GRID2: variants seen among roughly 807,000 people sequenced by gnomAD.
GRID2 encodes glutamate receptor ionotropic, delta-2.
Under a neutral mutation model 114.8 loss-of-function variants are expected in GRID2, and 33 were observed. The ratio of observed to expected loss-of-function variants is 0.29; its 90% CI spans 0.22 to 0.38. The LOEUF (loss-of-function observed/expected upper bound fraction) is 0.38, where lower values mean the gene tolerates loss of function less well. GRID2 is among the 10% of genes least tolerant of loss of function. The pLI is 1.00. For missense variants in GRID2, 1,184 were observed against 1,257.7 expected, an observed-to-expected ratio of 0.94 and a Z score of 0.89; for synonymous variants, 505 against 449.9, an observed-to-expected ratio of 1.12 and a Z score of -1.55.
In GRID2 at chr4:93,429,937, A is replaced by G. The variant is rs541279622; in HGVS notation, c.1545+6969A>G. ...TAATATTGGAGTATAATAAGATACT[A>G]TTTAGTAATTATAATGCCAATAATG... On this transcript the variant is annotated intron_variant, in intron 10 of 15. Transcript: ENST00000282020. 4.9e-4 allele frequency among the ~76,000 whole-genome samples: 75 copies of G among 152,280 alleles called. 1 individual carries two copies. The highest frequency in any genetic ancestry group is 1.8e-3 in the African/African-American group (73 of 41,554).
intron 1 of GRID2, among the ~76,000 whole-genome samples, chr4:92,588,993 C>T (rs1728587182): frequency 6.7e-6 from 1 of 150,348 alleles, no homozygotes. Flanking sequence ...GTAATCCCAG[C>T]TACTCGGGAG....
At chr4:93,180,044 G>C (rs1182766439) in intron 4 of GRID2, among the ~76,000 whole-genome samples, 2 of 152,162 alleles carry the variant, frequency 1.3e-5, no homozygotes, top group African/African-American at 4.8e-5. Context: ...GAAGAAAAAA[G>C]GCATAAGCAG....
intron 1 of GRID2, among the ~76,000 whole-genome samples, chr4:92,585,160 G>A (rs1306662765): frequency 1.3e-5 from 2 of 151,878 alleles, no homozygotes; most frequent in African/African-American, 4.8e-5. Flanking sequence ...TGGATGAATG[G>A]CTGGATGCAT....
At position 92,390,444 on chromosome 4, in the gene GRID2, C is replaced by G. The variant is rs186521812; in HGVS notation, c.88+85700C>G. Among the ~76,000 whole-genome samples the G allele has an allele frequency of 2.6e-5, 4 of 152,186 alleles. No homozygotes were observed. In the East Asian group the frequency reaches 7.7e-4, roughly 29 times the overall value. On this transcript the variant is annotated intron_variant, in intron 1 of 15. Coordinates refer to ENST00000282020, the MANE Select transcript of GRID2 (RefSeq NM_001510.4). ...AGAAGAGTGAAAAGGGTGGCTCTCCCTTGGTCCAACCACATCTAAAGGCTG... is the reference window on the plus strand; with the variant it reads ...AGAAGAGTGAAAAGGGTGGCTCTCCGTTGGTCCAACCACATCTAAAGGCTG...
At chr4:93,313,596 A>G (rs1378470436) in intron 8 of GRID2, among the ~76,000 whole-genome samples, 2 of 152,202 alleles carry the variant, frequency 1.3e-5, no homozygotes. Context: ...CATTACAATT[A>G]TATTCAAACA....
chr4:92,635,032 A>G (rs1008473556), intron 2 of GRID2, among the ~76,000 whole-genome samples: 7 of 152,092 alleles, frequency 4.6e-5, no homozygotes, highest in Non-Finnish European at 5.9e-5. Flanking sequence ...GCTGCCAGGA[A>G]TGCCAAGTGC....
At chr4:92,538,267 C>T (rs185605694) in intron 1 of GRID2, among the ~76,000 whole-genome samples, 2 of 152,278 alleles carry the variant, frequency 1.3e-5, no homozygotes, top group Admixed American at 6.5e-5. Flanking sequence ...CAATTGTTCT[C>T]ATTCTTCTAA....
chr4:92,556,813 A>T (rs1038724740), intron 1 of GRID2, among the ~76,000 whole-genome samples: 1 of 152,274 alleles, frequency 6.6e-6, no homozygotes, highest in East Asian at 1.9e-4. Flanking sequence ...AGCAAGCCCC[A>T]GAAGCACATT....
chr4:93,024,566 AT>A (rs1723705034), intron 2 of GRID2, among the ~76,000 whole-genome samples: 1 of 151,784 alleles, frequency 6.6e-6, no homozygotes, highest in Admixed American at 6.6e-5. Flanking sequence ...GGTTTTAAAC[AT>A]TGCAAAACCT....
chr4:92,740,625 C>A (rs1319505148), intron 2 of GRID2, among the ~76,000 whole-genome samples: 4 of 151,914 alleles, frequency 2.6e-5, no homozygotes, highest in African/African-American at 9.7e-5. Context: ...TCTTTATTTT[C>A]TACTAAATTT....
chr4:92,448,527 A>G (rs1330878049), intron 1 of GRID2, among the ~76,000 whole-genome samples: 2 of 152,172 alleles, frequency 1.3e-5, no homozygotes, highest in Non-Finnish European at 2.9e-5. Flanking sequence ...TTATATACAA[A>G]TTAAGTAACT....
intron 2 of GRID2, among the ~76,000 whole-genome samples, chr4:92,858,967 A>T (rs886184305): frequency 1.3e-5 from 2 of 152,254 alleles, no homozygotes; most frequent in South Asian, 4.1e-4. Context: ...AAGGATTTCA[A>T]ATATTGCATA....
At chr4:92,938,012 G>C (rs1646967807) in intron 2 of GRID2, among the ~76,000 whole-genome samples, 1 of 146,662 alleles carries the variant, frequency 6.8e-6, no homozygotes, top group Non-Finnish European at 1.5e-5. Context: ...TGTTGAGGAA[G>C]CTTCTTTTAA....
intron 10 of GRID2, among the ~76,000 whole-genome samples, chr4:93,437,439 G>A (rs1346327372): frequency 6.6e-6 from 1 of 151,860 alleles, no homozygotes; most frequent in Non-Finnish European, 1.5e-5. Context: ...ATGTCAGTGA[G>A]AAAAACAATA....
intron 1 of GRID2, among the ~76,000 whole-genome samples, chr4:92,529,099 G>A (rs932169241): frequency 1.1e-4 from 17 of 152,030 alleles, no homozygotes; most frequent in South Asian, 2.1e-4. Context: ...AACTTCGGTC[G>A]GGGATGGGAG....
At chr4:93,173,272 C>T (rs1044005059) in intron 4 of GRID2, among the ~76,000 whole-genome samples, 3 of 151,984 alleles carry the variant, frequency 2.0e-5, no homozygotes, top group Non-Finnish European at 4.4e-5. Flanking sequence ...AAAAAACAGT[C>T]TTTTTTCCCA....
At chr4:93,757,608 T>G (rs1432360279) in intron 14 of GRID2, among the ~76,000 whole-genome samples, 1 of 152,234 alleles carries the variant, frequency 6.6e-6, no homozygotes, top group Non-Finnish European at 1.5e-5. Flanking sequence ...AACTATCCAG[T>G]ACTGGAATTG....
chr4:93,266,654 TCCACCCACCTCAGCCTC>T (rs1438434380), intron 8 of GRID2, among the ~76,000 whole-genome samples: 15 of 152,292 alleles, frequency 9.8e-5, no homozygotes, highest in Non-Finnish European at 2.9e-5. Context: ...CCTCAGGTGA[TCCACCCACCTCAGCCTC>T]CCAAAGTGCT....
intron 4 of GRID2, among the ~76,000 whole-genome samples, chr4:93,122,964 T>C (rs373968592): frequency 2.7e-5 from 4 of 150,640 alleles, no homozygotes; most frequent in African/African-American, 9.8e-5. Context: ...AAATTGTATA[T>C]GATAGTTCTT....
Sources: allele counts gnomAD v4.1 joint callset (sites outside exome capture counted in the v4.1 genomes callset), GRCh38; gene constraint gnomAD v4.1.1; transcripts MANE v1.5; gene names NCBI Gene and HGNC (gene_info 2026-07-23, HGNC 2026-07-21).